The following PSIP1 variants were observed in gnomAD, a reference collection of about 807,000 sequenced individuals.
The protein encoded by PSIP1 is PC4 and SRSF1 interacting protein 1.
Under a neutral mutation model 74.7 loss-of-function variants are expected in PSIP1, and 19 were observed. That is an observed-to-expected ratio of 0.25 (90% CI 0.18 to 0.37). The LOEUF (loss-of-function observed/expected upper bound fraction) is 0.37, where lower values mean the gene tolerates loss of function less well. PSIP1 is among the 10% of genes least tolerant of loss of function. The probability of loss-of-function intolerance (pLI) is 1.00; values close to 1 mark genes in which losing one functional copy is unlikely to be tolerated. For synonymous variants in PSIP1, 222 were observed against 195.3 expected (o/e 1.14, Z -1.14); for missense variants, 601 against 614.3 (o/e 0.98, Z 0.23).
In PSIP1 at chr9:15,468,102, C is replaced by G. The variant is rs1587451937; in HGVS notation, c.1420+528G>C. Reference sequence around the variant, plus strand: ...CGCCACTGCACTCCAGCCTGGACAACAAGAGCGAAACTCCATCTTTTAAAA... The same window carrying G: ...CGCCACTGCACTCCAGCCTGGACAAGAAGAGCGAAACTCCATCTTTTAAAA... On this transcript the variant is annotated intron_variant, in intron 14 of 15. Transcript: ENST00000380733. Among the ~76,000 whole-genome samples the G allele has an allele frequency of 2.9e-5, 4 of 137,042 alleles. No homozygotes were observed. In the Admixed American group the frequency reaches 3.1e-4, roughly 11 times the overall value. 89.9% of individuals were successfully genotyped at this position (137,042 alleles called of 152,430 possible).
Position 15,464,564 on chromosome 9 carries a change from T to C in PSIP1, c.*956A>G, listed in dbSNP as rs973139126. 2.0e-5 allele frequency: 4 copies of C among 199,214 alleles called. No homozygotes were observed. Among genetic ancestry groups the C allele is most frequent in the Non-Finnish European group, 4.1e-5 (4 of 96,778 alleles). The allele number at this position is 199,214 out of a possible 1,614,324, so 12.3% of individuals were successfully genotyped here. A position where few individuals can be genotyped will look rare whatever the true frequency, so the allele number is the denominator to read the frequency against. On this transcript the variant is annotated 3_prime_UTR_variant, in exon 16 of 16. Transcript: ENST00000380733. ...TGGAATCTAGAAAATAAAAACAATATAGCCATGATTTCAAATAGGTGAGTT... is the reference window on the plus strand; with the variant it reads ...TGGAATCTAGAAAATAAAAACAATACAGCCATGATTTCAAATAGGTGAGTT...
intron 3 of PSIP1, chr9:15,506,299 T>G: frequency 3.1e-6 from 1 of 318,518 alleles, no homozygotes. Flanking sequence ...ACTTTCCTTA[T>G]GTATTTTCAT....
intron 3 of PSIP1, among the ~76,000 whole-genome samples, chr9:15,503,096 G>A (rs1355797336): frequency 6.6e-6 from 1 of 152,242 alleles, no homozygotes; most frequent in African/African-American, 2.4e-5. Context: ...GCCAGGCACA[G>A]AGGCTCATAC....
chr9:15,498,962 G>A (rs1280557246), intron 3 of PSIP1, among the ~76,000 whole-genome samples: 1 of 151,978 alleles, frequency 6.6e-6, no homozygotes, highest in Non-Finnish European at 1.5e-5. Flanking sequence ...GGAGTAAAAA[G>A]GATTTGTTTC....
intron 6 of PSIP1, among the ~76,000 whole-genome samples, chr9:15,481,878 G>T (rs990316539): frequency 7.9e-5 from 12 of 151,814 alleles, no homozygotes; most frequent in East Asian, 3.9e-4. Flanking sequence ...TAAAATCAAA[G>T]AATAATAAAT....
At chr9:15,500,116 T>A (rs1372452027) in intron 3 of PSIP1, among the ~76,000 whole-genome samples, 2 of 152,106 alleles carry the variant, frequency 1.3e-5, no homozygotes, top group Non-Finnish European at 2.9e-5. Context: ...AACAGAAAAA[T>A]TATTCAACAG....
intron 13 of PSIP1, 54 bp from the exon 14 acceptor site, chr9:15,468,897 C>A (rs929805763): frequency 1.2e-6 from 2 of 1,603,166 alleles, no homozygotes; most frequent in Non-Finnish European, 1.7e-6. Context: ...ATTTTTTAAA[C>A]AATTTTTAAA....
chr9:15,479,711 C>T (rs1325456199), intron 6 of PSIP1, 24 bp from the exon 7 acceptor site: 1 of 1,593,302 alleles, frequency 6.3e-7, no homozygotes, highest in Non-Finnish European at 8.6e-7. Context: ...ATTTAATTAA[C>T]TTATTTAGCA....
chr9:15,502,153 C>T (rs964077485), intron 3 of PSIP1, among the ~76,000 whole-genome samples: 2 of 152,090 alleles, frequency 1.3e-5, no homozygotes, highest in Non-Finnish European at 1.5e-5. Flanking sequence ...AACCATCCCC[C>T]CAAACCCCCG....
chr9:15,470,709 A>C, intron 10 of PSIP1: 3 of 942,324 alleles, frequency 3.2e-6, no homozygotes, highest in Non-Finnish European at 3.8e-6. Flanking sequence ...CTACTGTTTA[A>C]TCTCTCAGGA....
chr9:15,465,559 C>G lies in PSIP1; in HGVS notation c.1554G>C (p.Glu518Asp), dbSNP rs755087616. The change falls in exon 16 of 16, where the codon GAG (glutamate) becomes GAC (aspartate). Residue 518 changes from glutamate to aspartate, a missense_variant. Glu to Asp is a conservative substitution (Grantham distance 45, BLOSUM62 2). This residue lies in a region of PSIP1 where 538 missense variants were observed against 507.6 expected (regional missense o/e 1.06). Coordinates refer to ENST00000380733, the MANE Select transcript of PSIP1 (RefSeq NM_033222.5). ...TKKKPSSEERETEISLKDSTL... is the reference protein window; with the variant it reads ...TKKKPSSEERDTEISLKDSTL... ...TAGAATCCTTCAGAGATATTTCAGT[C>G]TCTCTCTCTTCACTGGATGGCCTGA... 8.2e-6 allele frequency: 13 copies of G among 1,580,742 alleles called. No homozygotes were observed. The highest frequency in any genetic ancestry group is 2.3e-5 in the East Asian group (1 of 44,342).
chr9:15,469,952 A>G lies in PSIP1; in HGVS notation c.1019T>C (p.Val340Ala), dbSNP rs2035760444. The G allele has an allele frequency of 6.2e-7, 1 of 1,607,804 alleles. No homozygotes were observed. The highest frequency in any genetic ancestry group is 1.1e-5 in the South Asian group (1 of 90,982). ...AAATAACTAACCTCGCTTCTTCTCCACTTTCTTAACTTCTGGCTTCTTTCC... is the reference window on the plus strand; with the variant it reads ...AAATAACTAACCTCGCTTCTTCTCCGCTTTCTTAACTTCTGGCTTCTTTCC... ...DEGKKPEVKK[V>A]EKKRETSMDS... Residue 340 changes from valine to alanine, a missense_variant, in exon 11 of 16, where the codon GTG becomes GCG. Physicochemically the swap from Val to Ala is moderately conservative, Grantham distance 64 (BLOSUM62 0). Transcript: ENST00000380733.
chr9:15,494,146 ACATAT>A (rs2036964414), intron 3 of PSIP1, among the ~76,000 whole-genome samples: 2 of 152,232 alleles, frequency 1.3e-5, no homozygotes, highest in Admixed American at 1.3e-4. Flanking sequence ...ATCATTAGAT[ACATAT>A]CATAAATTCC....
At position 15,472,841 on chromosome 9, in the gene PSIP1, G is replaced by C. The variant is rs1348687472; in HGVS notation, c.859-91C>G. The C allele has an allele frequency of 2.4e-6, 3 of 1,270,848 alleles. No homozygotes were observed. In the South Asian group the frequency reaches 4.1e-5, roughly 17 times the overall value. 78.7% of individuals were successfully genotyped at this position (1,270,848 alleles called of 1,614,324 possible). A position where few individuals can be genotyped will look rare whatever the true frequency, so the allele number is the denominator to read the frequency against. ...AATCTTGGGGGAAAAGCAGCAGCTA[G>C]TTTTTAAAAAAGGGATGAATACTCA... On this transcript the variant is annotated intron_variant, in intron 9 of 15. Coordinates refer to ENST00000380733, the MANE Select transcript of PSIP1 (RefSeq NM_033222.5).
At chr9:15,509,922 G>A (rs1180488924) in intron 2 of PSIP1, among the ~76,000 whole-genome samples, 195 bp downstream of exon 2, 1 of 152,180 alleles carries the variant, frequency 6.6e-6, no homozygotes, top group Non-Finnish European at 1.5e-5. Context: ...AAATACACAG[G>A]TATGTAGAAA....
rs2132118211 is a variant in PSIP1, at chr9:15,486,129, T to C, written c.394-61A>G. 4 of 1,381,698 alleles carry C rather than the reference T, an allele frequency of 2.9e-6. No homozygotes were observed. In the South Asian group the frequency reaches 3.8e-5, roughly 13 times the overall value. The allele number at this position is 1,381,698 out of a possible 1,614,324, so 85.6% of individuals were successfully genotyped here. ...ATTATTCCAGGAATGAAAGAAACCT[T>C]GTTAAACTAAAAGTTACAAGCACGT... On this transcript the variant is annotated intron_variant, in intron 5 of 15. Coordinates refer to ENST00000380733, the MANE Select transcript of PSIP1 (RefSeq NM_033222.5).
chr9:15,492,228 G>A (rs151118672), intron 3 of PSIP1: 15 of 152,374 alleles, frequency 9.8e-5, no homozygotes, highest in African/African-American at 3.6e-4. Flanking sequence ...CTAGGAGCCT[G>A]TAAAATCAAA....
chr9:15,477,305 A>T (rs1263015620), intron 8 of PSIP1, among the ~76,000 whole-genome samples: 1 of 152,148 alleles, frequency 6.6e-6, no homozygotes, highest in African/African-American at 2.4e-5. Flanking sequence ...AAATCAAGCT[A>T]TTTACCATAC....
rs1165869753 is a variant in PSIP1 at position 15,474,072 on chromosome 9, A to G, written c.795T>C (p.Ala265=). ...CGGAGGTTGAAGTAACCCCTGTTTT[A>G]GCTAAATTTTTCCTTTTTGATTCAA... The part of the protein sequence containing the change: ...KEVESKRKNL[A]KTGVTSTSDS... The change falls in exon 9 of 16, where the codon GCT becomes GCC. Residue 265 remains alanine, a synonymous_variant. Coordinates refer to ENST00000380733, the MANE Select transcript of PSIP1 (RefSeq NM_033222.5). The G allele has an allele frequency of 6.2e-7, 1 of 1,613,542 alleles. No individual in the cohort carries two copies. Among genetic ancestry groups the G allele is most frequent in the East Asian group, 2.2e-5 (1 of 44,848 alleles).
Sources: allele counts gnomAD v4.1 joint callset (sites outside exome capture counted in the v4.1 genomes callset), GRCh38; gene constraint gnomAD v4.1.1; regional missense constraint gnomAD v4.1.1; transcripts MANE v1.5; gene names NCBI Gene and HGNC (gene_info 2026-07-23, HGNC 2026-07-21).